LRP1B: variants seen among roughly 807,000 people sequenced by gnomAD.
LRP1B encodes low-density lipoprotein receptor-related protein 1B.
Under a neutral mutation model 556.6 loss-of-function variants are expected in LRP1B, and 217 were observed. The observed-to-expected ratio is 0.39, with a 90% CI of 0.35 to 0.44. The LOEUF (loss-of-function observed/expected upper bound fraction) is 0.44, where lower values mean the gene tolerates loss of function less well. LRP1B is among the 20% of genes least tolerant of loss of function. The pLI, the probability that LRP1B is intolerant of heterozygous loss-of-function variation, is 1.00. For missense variants in LRP1B, 5,053 were observed against 5,620.8 expected (o/e 0.90, Z 3.23); for synonymous variants, 2,047 against 1,865.8 (o/e 1.10, Z -2.50).
At chr2:141,302,829 A>C (rs1284916983) in intron 3 of LRP1B, among the ~76,000 whole-genome samples, 1 of 152,132 alleles carries the variant, frequency 6.6e-6, no homozygotes, top group African/African-American at 2.4e-5. Flanking sequence ...TAAGTACTTC[A>C]GACAAAATAG....
intron 43 of LRP1B, among the ~76,000 whole-genome samples, chr2:140,587,529 C>T (rs1361261235): frequency 2.0e-5 from 3 of 152,098 alleles, no homozygotes; most frequent in Non-Finnish European, 4.4e-5. Context: ...AAGTCAGACT[C>T]TTATTAGTAG....
chr2:141,647,452 A>G (rs185079541), intron 2 of LRP1B, among the ~76,000 whole-genome samples: 1 of 152,248 alleles, frequency 6.6e-6, no homozygotes, highest in East Asian at 1.9e-4. Context: ...CTTGACTAAG[A>G]GCAACATTGC....
chr2:141,244,005 T>G (rs1280042031), intron 5 of LRP1B, among the ~76,000 whole-genome samples: 5 of 152,174 alleles, frequency 3.3e-5, no homozygotes, highest in Non-Finnish European at 5.9e-5. Context: ...CTTAGATTAA[T>G]TTACCTAATT....
Position 140,256,361 on chromosome 2 carries a change from T to C in LRP1B, c.13248-9199A>G, listed in dbSNP as rs567984229. On this transcript the variant is annotated intron_variant, in intron 86 of 90. Coordinates refer to ENST00000389484, the MANE Select transcript of LRP1B (RefSeq NM_018557.3). ...GATCTAGCCTCTTACGTTTTAACCT[T>C]AGTCTCCCCCTTAAATCTCTCTTCT... Among the ~76,000 whole-genome samples, 9 of 151,618 alleles carry C rather than the reference T, an allele frequency of 5.9e-5. No individual in the cohort carries two copies. The East Asian group carries it at 1.7e-3, about 29-fold the overall frequency.
At chr2:141,515,415 C>T (rs4538137) in intron 2 of LRP1B, among the ~76,000 whole-genome samples, 148,044 of 152,240 alleles carry the variant, frequency 0.97, 72,114 homozygotes, top group East Asian at 1. Flanking sequence ...ATCCACTCTC[C>T]ATAGAAAAAT....
intron 2 of LRP1B, among the ~76,000 whole-genome samples, chr2:141,506,028 A>G (rs1369293846): frequency 6.6e-6 from 1 of 152,080 alleles, no homozygotes; most frequent in East Asian, 1.9e-4. Flanking sequence ...GAGAAGTGTG[A>G]CAACCCTGTT....
rs551283847 is a variant in LRP1B, at chr2:141,954,772, G to T, written c.83-144371C>A. Reference sequence around the variant, plus strand: ...ATATTCTTTAGCGATCTTATTCATAGCTCAAAGTTTTGAGCCTCTGAGTCT... The same window carrying T: ...ATATTCTTTAGCGATCTTATTCATATCTCAAAGTTTTGAGCCTCTGAGTCT... On this transcript the variant is annotated intron_variant, in intron 1 of 90. Coordinates refer to ENST00000389484, the MANE Select transcript of LRP1B (RefSeq NM_018557.3). 3.3e-5 allele frequency among the ~76,000 whole-genome samples: 5 copies of T among 151,960 alleles called. No individual in the cohort carries two copies. The South Asian group carries it at 1.0e-3, about 32-fold the overall frequency.
At chr2:142,026,502 T>C (rs757695417) in intron 1 of LRP1B, among the ~76,000 whole-genome samples, 2 of 152,156 alleles carry the variant, frequency 1.3e-5, no homozygotes, top group Non-Finnish European at 2.9e-5. Context: ...ATTTGAGATA[T>C]AGGTATACTT....
In LRP1B at chr2:140,538,757, G is replaced by C. The variant is rs1413374146; in HGVS notation, c.7514-2048C>G. On this transcript the variant is annotated intron_variant, in intron 45 of 90. Coordinates refer to ENST00000389484, the MANE Select transcript of LRP1B (RefSeq NM_018557.3). ...TTCAGCCACTTCTTGAAAGTCTATT[G>C]AGATTCCTGACTTATTTTTCCTATT... Among the ~76,000 whole-genome samples the C allele has an allele frequency of 9.9e-5, 15 of 151,962 alleles. 2 individuals are homozygous for C. In the East Asian group the frequency reaches 2.7e-3, roughly 27 times the overall value.
At chr2:141,393,613 G>A (rs914144705) in intron 3 of LRP1B, among the ~76,000 whole-genome samples, 2 of 152,126 alleles carry the variant, frequency 1.3e-5, no homozygotes, top group Admixed American at 6.6e-5. Flanking sequence ...ATCAAAAAAC[G>A]ACAATTACAA....
At chr2:140,599,230 C>CTAAG (rs1682559420) in intron 42 of LRP1B, among the ~76,000 whole-genome samples, 1 of 152,058 alleles carries the variant, frequency 6.6e-6, no homozygotes, top group African/African-American at 2.4e-5. Flanking sequence ...CATTCTTATC[C>CTAAG]TAAGTATACT....
At chr2:141,300,606 C>G (rs1686353947) in intron 3 of LRP1B, among the ~76,000 whole-genome samples, 2 of 152,086 alleles carry the variant, frequency 1.3e-5, no homozygotes, top group Non-Finnish European at 2.9e-5. Flanking sequence ...AACAACATCC[C>G]CCTTGGTGCT....
chr2:141,803,097 G>A (rs1219312304), intron 2 of LRP1B, among the ~76,000 whole-genome samples: 1 of 151,708 alleles, frequency 6.6e-6, no homozygotes, highest in Non-Finnish European at 1.5e-5. Context: ...GTGACCTGTG[G>A]TCTTGGATCA....
chr2:142,075,705 C>T (rs1292766693), intron 1 of LRP1B, among the ~76,000 whole-genome samples: 1 of 152,068 alleles, frequency 6.6e-6, no homozygotes, highest in East Asian at 1.9e-4. Flanking sequence ...CTCAATCTCT[C>T]TCTCTTTCTG....
chr2:142,115,585 A>G (rs1707191761), intron 1 of LRP1B, among the ~76,000 whole-genome samples: 1 of 44,664 alleles, frequency 2.2e-5, no homozygotes, highest in African/African-American at 8.7e-5. Context: ...TATATGTAAT[A>G]TATATATTAT....
intron 1 of LRP1B, among the ~76,000 whole-genome samples, chr2:141,918,264 G>A (rs1031219621): frequency 1.3e-5 from 2 of 151,684 alleles, no homozygotes; most frequent in African/African-American, 2.4e-5. Context: ...TGCATTGCTC[G>A]ATACGTTACA....
intron 1 of LRP1B, among the ~76,000 whole-genome samples, chr2:141,975,357 T>A (rs1430170699): frequency 6.6e-6 from 1 of 152,214 alleles, no homozygotes; most frequent in African/African-American, 2.4e-5. Context: ...TTGATAATTC[T>A]GAGGGTGTCC....
intron 8 of LRP1B, among the ~76,000 whole-genome samples, chr2:141,061,196 C>T (rs1477475178): frequency 6.6e-6 from 1 of 151,566 alleles, no homozygotes; most frequent in Non-Finnish European, 1.5e-5. Flanking sequence ...CAACCCCACC[C>T]CAGACAGATT....
At chr2:140,692,328 C>T (rs1014961323) in intron 41 of LRP1B, among the ~76,000 whole-genome samples, 2 of 151,984 alleles carry the variant, frequency 1.3e-5, no homozygotes, top group Admixed American at 6.6e-5. Context: ...ATAGATGTAG[C>T]ACTAGTTCTT....
Sources: gnomAD v4.1 joint callset for allele counts (sites outside exome capture counted in the v4.1 genomes callset) on GRCh38, gnomAD v4.1.1 for gene constraint, MANE v1.5 for transcripts, NCBI Gene and HGNC (gene_info 2026-07-23, HGNC 2026-07-21) for gene names.